HIBADH: variants seen among roughly 807,000 people sequenced by gnomAD.
HIBADH encodes 3-hydroxyisobutyrate dehydrogenase, also known as 3-hydroxyisobutyrate dehydrogenase, mitochondrial.
HIBADH carries 25 observed loss-of-function variants against 36.1 expected under a neutral mutation model. The ratio of observed to expected loss-of-function variants is 0.69; its 90% CI spans 0.50 to 0.97. The LOEUF (loss-of-function observed/expected upper bound fraction) is 0.97. HIBADH is among the 50% of genes least tolerant of loss of function. The pLI is 0.00. For missense variants in HIBADH, 421 were observed against 418.0 expected (o/e 1.01, Z -0.06); for synonymous variants, 160 against 149.5 (o/e 1.07, Z -0.51).
At chr7:27,552,005 ATTCG>A (rs1784325521) in intron 4 of HIBADH, among the ~76,000 whole-genome samples, 1 of 152,248 alleles carries the variant, frequency 6.6e-6, no homozygotes, top group Non-Finnish European at 1.5e-5. Context: ...TACCAGCGAC[ATTCG>A]CAGAAAAAGG....
intron 4 of HIBADH, among the ~76,000 whole-genome samples, chr7:27,590,910 C>T (rs561990656): frequency 6.6e-6 from 1 of 152,130 alleles, no homozygotes; most frequent in African/African-American, 2.4e-5. Context: ...TCGCTTCAAT[C>T]CTTGAATATC....
chr7:27,629,547 G>A (rs897264241), intron 3 of HIBADH, 55 bp from the exon 4 acceptor site: 6 of 1,267,130 alleles, frequency 4.7e-6, no homozygotes, highest in Non-Finnish European at 6.4e-6. Context: ...AAAATTTCAT[G>A]CAACTACCTA....
chr7:27,575,031 T>A (rs749115260), intron 4 of HIBADH, among the ~76,000 whole-genome samples: 1 of 152,208 alleles, frequency 6.6e-6, no homozygotes, highest in Non-Finnish European at 1.5e-5. Flanking sequence ...TTATCTTTTG[T>A]AGATGAGAGT....
At position 27,605,944 on chromosome 7, in the gene HIBADH, T is replaced by C. The variant is rs1193045651; in HGVS notation, c.484+23427A>G. 3.3e-5 allele frequency among the ~76,000 whole-genome samples: 5 copies of C among 152,188 alleles called. No homozygotes were observed. The East Asian group carries it at 9.6e-4, about 29-fold the overall frequency. On this transcript the variant is annotated intron_variant, in intron 4 of 7. Coordinates refer to ENST00000265395, the MANE Select transcript of HIBADH (RefSeq NM_152740.4). ...GAAACTGAGCTGTTCTATGAAATAC[T>C]AACCAACTCTTCTGACTACTCTAAC...
chr7:27,569,032 GTCT>G (rs1166959261), intron 4 of HIBADH, among the ~76,000 whole-genome samples: 4 of 151,438 alleles, frequency 2.6e-5, no homozygotes, highest in East Asian at 1.9e-4. Flanking sequence ...TTTTCTTACA[GTCT>G]TCTTCTTTTA....
chr7:27,652,923 G>A (rs1786223847), intron 1 of HIBADH, among the ~76,000 whole-genome samples: 1 of 152,134 alleles, frequency 6.6e-6, no homozygotes, highest in Admixed American at 6.5e-5. Context: ...GAGGTCAGGA[G>A]TTTGAGACCA....
chr7:27,652,917 T>G lies in HIBADH; in HGVS notation c.92-3284A>C, dbSNP rs530051889. On this transcript the variant is annotated intron_variant, in intron 1 of 7. Coordinates refer to ENST00000265395, the MANE Select transcript of HIBADH (RefSeq NM_152740.4). ...GCCAAAGTGGGTGGATCACCTGAGG[T>G]CAGGAGTTTGAGACCAACCTGGCCA... is the stretch of plus-strand genomic sequence containing the variant. Among the ~76,000 whole-genome samples, 7 of 152,022 alleles carry G rather than the reference T, an allele frequency of 4.6e-5. No homozygotes were observed. The East Asian group carries it at 1.4e-3, about 30-fold the overall frequency.
intron 4 of HIBADH, among the ~76,000 whole-genome samples, chr7:27,565,701 A>C (rs925996946): frequency 1.3e-5 from 2 of 152,166 alleles, no homozygotes; most frequent in Non-Finnish European, 2.9e-5. Flanking sequence ...GTGAGAGTAG[A>C]TATCCTGTGT....
chr7:27,654,217 T>C (rs1786252523), intron 1 of HIBADH, among the ~76,000 whole-genome samples: 2 of 152,076 alleles, frequency 1.3e-5, no homozygotes, highest in South Asian at 4.2e-4. Flanking sequence ...ATTTAAAAAA[T>C]AAAGAGAGCA....
chr7:27,534,897 C>G (rs1784050772), intron 6 of HIBADH, among the ~76,000 whole-genome samples: 1 of 151,186 alleles, frequency 6.6e-6, no homozygotes, highest in Admixed American at 6.6e-5. Context: ...TCACAACAAC[C>G]CAGTGGATAG....
chr7:27,591,550 C>CAAA (rs11356347), intron 4 of HIBADH, among the ~76,000 whole-genome samples: 9 of 142,034 alleles, frequency 6.3e-5, no homozygotes, highest in African/African-American at 2.1e-4. Flanking sequence ...GACTCCGTCT[C>CAAA]AAAAAAAAAA....
chr7:27,611,651 C>T (rs1413792520), intron 4 of HIBADH, among the ~76,000 whole-genome samples: 7 of 152,132 alleles, frequency 4.6e-5, no homozygotes, highest in Non-Finnish European at 1.0e-4. Context: ...GTGTCATGGG[C>T]TAATTTATAT....
rs555584519 is a variant in HIBADH, at chr7:27,594,025, A to AAAATAAT, written c.484+35345_484+35346insATTATTT. On this transcript the variant is annotated intron_variant, in intron 4 of 7. Coordinates refer to ENST00000265395, the MANE Select transcript of HIBADH (RefSeq NM_152740.4). Reference sequence around the variant, plus strand: ...GCGACAGAGCGAGACTCCGTCTCAAAAAATAAATAAATAAATAAATAAATA... The same window carrying AAAATAAT: ...GCGACAGAGCGAGACTCCGTCTCAAAAAATAATAAATAAATAAATAAATAAATAAATA... Among the ~76,000 whole-genome samples the AAAATAAT allele has an allele frequency of 6.7e-5, 10 of 149,636 alleles. No homozygotes were observed. In the East Asian group the frequency reaches 1.9e-3, roughly 29 times the overall value.
chr7:27,662,571 CA>C, intron 1 of HIBADH, 126 bp downstream of exon 1: 1 of 506,762 alleles, frequency 2.0e-6, no homozygotes, highest in Middle Eastern at 5.2e-4. Context: ...TAGTACCAGC[CA>C]AAATATTGTT....
intron 3 of HIBADH, among the ~76,000 whole-genome samples, chr7:27,630,343 G>A (rs555328204): frequency 1.3e-5 from 2 of 152,126 alleles, no homozygotes; most frequent in African/African-American, 4.8e-5. Flanking sequence ...ATCTCACCAT[G>A]TTGTCCAGGC....
intron 4 of HIBADH, among the ~76,000 whole-genome samples, chr7:27,551,359 A>G (rs1350437458): frequency 6.6e-6 from 1 of 152,224 alleles, no homozygotes; most frequent in Non-Finnish European, 1.5e-5. Context: ...TCATCTGAAA[A>G]CAGTGATAAA....
intron 2 of HIBADH, among the ~76,000 whole-genome samples, chr7:27,640,340 G>A (rs775628228): frequency 6.6e-6 from 1 of 152,150 alleles, no homozygotes; most frequent in Non-Finnish European, 1.5e-5. Context: ...AGCCCAGCCT[G>A]GGCAACAAAG....
intron 2 of HIBADH, among the ~76,000 whole-genome samples, chr7:27,635,057 ACT>A (rs891672741): frequency 1.4e-5 from 2 of 145,572 alleles, no homozygotes; most frequent in African/African-American, 5.2e-5. Context: ...AATAACACAC[ACT>A]CTCTCTCTTT....
chr7:27,576,369 T>C (rs1784710262), intron 4 of HIBADH, among the ~76,000 whole-genome samples: 1 of 152,184 alleles, frequency 6.6e-6, no homozygotes, highest in Non-Finnish European at 1.5e-5. Flanking sequence ...ATCAGAGAAA[T>C]ATAATAGTGC....
Sources: allele counts gnomAD v4.1 joint callset (sites outside exome capture counted in the v4.1 genomes callset), GRCh38; gene constraint gnomAD v4.1.1; transcripts MANE v1.5; gene names NCBI Gene and HGNC (gene_info 2026-07-23, HGNC 2026-07-21).